COLEC12: variants seen among roughly 807,000 people sequenced by gnomAD.
COLEC12 encodes collectin subfamily member 12.
COLEC12 carries 33 observed loss-of-function variants against 71.1 expected under a neutral mutation model. That is an observed-to-expected ratio of 0.46 (90% CI 0.35 to 0.62). The LOEUF is 0.62. Ranked by LOEUF, COLEC12 falls within the 20% of genes least tolerant of loss-of-function variation. The probability of loss-of-function intolerance (pLI) is 0.00; values close to 1 mark genes in which losing one functional copy is unlikely to be tolerated. For synonymous variants in COLEC12, 350 were observed against 353.0 expected, an observed-to-expected ratio of 0.99 and a Z score of 0.10; for missense variants, 765 against 916.1, an observed-to-expected ratio of 0.84 and a Z score of 2.13.
In COLEC12 at chr18:357,552, T is replaced by C. The variant is rs770385025; in HGVS notation, c.59-30A>G. On this transcript the variant is annotated intron_variant, in intron 2 of 9. Transcript: ENST00000400256. The stretch of plus-strand genomic sequence containing the variant: ...AAGAGAAGTCAAATTTTAATAACAG[T>C]AAGCAAAGATGTCATTTTAAAATTT... 4 of 1,499,372 alleles carry C rather than the reference T, an allele frequency of 2.7e-6. No individual in the cohort carries two copies. In the East Asian group the frequency reaches 9.5e-5, roughly 36 times the overall value. 92.9% of individuals were successfully genotyped at this position (1,499,372 alleles called of 1,614,324 possible).
Position 444,196 on chromosome 18 carries a change from C to T in COLEC12, c.58+36511G>A, listed in dbSNP as rs62089981. Among the ~76,000 whole-genome samples the T allele has an allele frequency of 6.7e-3, 1,025 of 152,270 alleles. 7 individuals are homozygous for T. Among genetic ancestry groups the T allele is most frequent in the Non-Finnish European group, 0.011 (724 of 68,032 alleles). On this transcript the variant is annotated intron_variant, in intron 2 of 9. Coordinates refer to ENST00000400256, the MANE Select transcript of COLEC12 (RefSeq NM_130386.3). Reference sequence around the variant, plus strand: ...GAAACAAGTATGAGCAAGTATCCTTCGGAATGCACATATTTATTTATAAAT... The same window carrying T: ...GAAACAAGTATGAGCAAGTATCCTTTGGAATGCACATATTTATTTATAAAT...
intron 9 of COLEC12, among the ~76,000 whole-genome samples, chr18:321,179 T>A (rs950040593): frequency 4.6e-5 from 7 of 152,174 alleles, no homozygotes; most frequent in African/African-American, 1.7e-4. Context: ...CTCAGCCTCC[T>A]GAGTAGCTGG....
At chr18:365,074 T>C (rs1914826191) in intron 2 of COLEC12, among the ~76,000 whole-genome samples, 1 of 152,004 alleles carries the variant, frequency 6.6e-6, no homozygotes. Flanking sequence ...CCAGTAGAAG[T>C]ATTCTGTCAA....
chr18:384,167 A>G (rs1478978219), intron 2 of COLEC12, among the ~76,000 whole-genome samples: 1 of 152,156 alleles, frequency 6.6e-6, no homozygotes, highest in Non-Finnish European at 1.5e-5. Context: ...AGAAGCTTTT[A>G]TAAATCTTGA....
At chr18:348,584 T>C (rs910863229) in intron 3 of COLEC12, among the ~76,000 whole-genome samples, 2 of 152,210 alleles carry the variant, frequency 1.3e-5, no homozygotes, top group Non-Finnish European at 2.9e-5. Flanking sequence ...CAGGTGGGAC[T>C]CATTTACCTA....
intron 1 of COLEC12, among the ~76,000 whole-genome samples, chr18:491,355 G>T (rs1281163575): frequency 6.6e-6 from 1 of 152,186 alleles, no homozygotes; most frequent in Non-Finnish European, 1.5e-5. Flanking sequence ...TAATGTGTGG[G>T]CTTTGAAATT....
chr18:363,110 T>C (rs1274634900), intron 2 of COLEC12, among the ~76,000 whole-genome samples: 1 of 152,086 alleles, frequency 6.6e-6, no homozygotes. Context: ...GGAATGACAG[T>C]GCAAAGGGCC....
At chr18:447,434 C>A (rs1282764371) in intron 2 of COLEC12, among the ~76,000 whole-genome samples, 1 of 152,210 alleles carries the variant, frequency 6.6e-6, no homozygotes, top group Non-Finnish European at 1.5e-5. Context: ...CAGCCTGCCA[C>A]TTCTGGAAAT....
At chr18:416,173 A>G (rs1915981695) in intron 2 of COLEC12, among the ~76,000 whole-genome samples, 2 of 152,206 alleles carry the variant, frequency 1.3e-5, no homozygotes, top group South Asian at 4.1e-4. Flanking sequence ...AACAGATAAC[A>G]ATGCAAACCT....
chr18:404,083 C>T (rs1915739537), intron 2 of COLEC12, among the ~76,000 whole-genome samples: 1 of 152,230 alleles, frequency 6.6e-6, no homozygotes, highest in African/African-American at 2.4e-5. Context: ...ATGCCATTAT[C>T]TTCACACACC....
chr18:438,551 A>G (rs1916450297), intron 2 of COLEC12, among the ~76,000 whole-genome samples: 4 of 152,144 alleles, frequency 2.6e-5, no homozygotes, highest in Admixed American at 1.3e-4. Context: ...TGTGGTTCAC[A>G]CCTGCAATCC....
intron 2 of COLEC12, among the ~76,000 whole-genome samples, chr18:435,032 C>G (rs1916377114): frequency 6.6e-6 from 1 of 152,200 alleles, no homozygotes; most frequent in African/African-American, 2.4e-5. Flanking sequence ...TGACCAGCAG[C>G]TTTCTGGTGT....
rs145201573 is a variant in COLEC12, at chr18:352,303, G to A, written c.182-4140C>T. 5.3e-5 allele frequency among the ~76,000 whole-genome samples: 8 copies of A among 152,126 alleles called. No individual in the cohort carries two copies. In the East Asian group the frequency reaches 1.4e-3, roughly 26 times the overall value. On this transcript the variant is annotated intron_variant, in intron 3 of 9. Transcript: ENST00000400256. ...ATCCTCAAATCAAAACATATGCCTCGGTCTGTCCTCAAACCACATGCAGGA... is the reference window on the plus strand; with the variant it reads ...ATCCTCAAATCAAAACATATGCCTCAGTCTGTCCTCAAACCACATGCAGGA...
chr18:432,658 G>A (rs974247375), intron 2 of COLEC12, among the ~76,000 whole-genome samples: 5 of 152,108 alleles, frequency 3.3e-5, no homozygotes, highest in African/African-American at 1.2e-4. Context: ...AAATACACAT[G>A]CACACACCTC....
chr18:349,419 T>C (rs879412501), intron 3 of COLEC12, among the ~76,000 whole-genome samples: 2 of 152,222 alleles, frequency 1.3e-5, no homozygotes, highest in African/African-American at 2.4e-5. Flanking sequence ...ATGGGAACTC[T>C]TGGATACCCA....
At chr18:323,097 C>T (rs980005732) in intron 8 of COLEC12, among the ~76,000 whole-genome samples, 71 of 152,238 alleles carry the variant, frequency 4.7e-4, no homozygotes, top group African/African-American at 1.1e-3. Flanking sequence ...TGGTGGCAGG[C>T]ACCTGTAGTC....
Position 415,839 on chromosome 18 carries a change from G to GTAC in COLEC12, c.59-58318_59-58317insGTA, listed in dbSNP as rs532479672. ...CACAACTTTTCTGGCAAAATGTGCA[G>GTAC]TAACACTGAGGTTTATTCAGTTGCC... On this transcript the variant is annotated intron_variant, in intron 2 of 9. Coordinates refer to ENST00000400256, the MANE Select transcript of COLEC12 (RefSeq NM_130386.3). Among the ~76,000 whole-genome samples, 807 of 152,310 alleles carry GTAC rather than the reference G, an allele frequency of 5.3e-3. 2 individuals carry two copies. The highest frequency in any genetic ancestry group is 9.0e-3 in the Non-Finnish European group (613 of 68,032).
Position 317,979 on chromosome 18 carries a change from T to TC in COLEC12, c.*2065_*2066insG, listed in dbSNP as rs1016741494. 1.3e-4 allele frequency: 19 copies of TC among 150,368 alleles called. No individual in the cohort carries two copies. The highest frequency in any genetic ancestry group is 4.7e-4 in the African/African-American group (19 of 40,824). The allele number at this position is 150,368 out of a possible 1,614,324, so 9.3% of individuals were successfully genotyped here. ...GAAAGTCAAACTCTGTCTTTATTCT[T>TC]TTTTTTTTTTCTTTTTGAGATGAGT... On this transcript the variant is annotated 3_prime_UTR_variant, in exon 10 of 10. Coordinates refer to ENST00000400256, the MANE Select transcript of COLEC12 (RefSeq NM_130386.3).
intron 8 of COLEC12, among the ~76,000 whole-genome samples, chr18:325,611 G>C (rs989300965): frequency 4.1e-5 from 5 of 120,598 alleles, no homozygotes; most frequent in African/African-American, 1.5e-4. Context: ...ATTACACCAA[G>C]AGTAAAAGGA....
Sources: gnomAD v4.1 joint callset for allele counts (sites outside exome capture counted in the v4.1 genomes callset) on GRCh38, gnomAD v4.1.1 for gene constraint, MANE v1.5 for transcripts, NCBI Gene and HGNC (gene_info 2026-07-23, HGNC 2026-07-21) for gene names.